Variants in MYO9B observed in about 807,000 individuals in gnomAD.
The protein encoded by MYO9B is unconventional myosin-IXb.
Under a neutral mutation model 229.5 loss-of-function variants are expected in MYO9B, and 71 were observed. The ratio of observed to expected loss-of-function variants is 0.31; its 90% CI spans 0.26 to 0.38. The LOEUF (loss-of-function observed/expected upper bound fraction) is 0.38. Ranked by LOEUF, MYO9B falls within the 10% of genes least tolerant of loss-of-function variation. The probability of loss-of-function intolerance (pLI) is 1.00; values close to 1 mark genes in which losing one functional copy is unlikely to be tolerated. For synonymous variants in MYO9B, 1,185 were observed against 1,235.8 expected (o/e 0.96, Z 0.86); for missense variants, 2,255 against 2,920.5 (o/e 0.77, Z 5.25).
chr19:17,205,420 C>T (rs1388513889), intron 31 of MYO9B, 84 bp downstream of exon 31: 3 of 1,342,820 alleles, frequency 2.2e-6, no homozygotes, highest in East Asian at 4.6e-5. Context: ...GATGTGAGGG[C>T]CAAGCGAAGC....
chr19:17,186,087 C>T, intron 18 of MYO9B, 86 bp downstream of exon 18: 1 of 1,216,736 alleles, frequency 8.2e-7, no homozygotes, highest in Non-Finnish European at 1.2e-6. Flanking sequence ...CCCCAGCCTC[C>T]ACGCAGTATG....
chr19:17,104,089 C>T (rs1381584174), intron 2 of MYO9B, among the ~76,000 whole-genome samples: 1 of 151,164 alleles, frequency 6.6e-6, no homozygotes, highest in Non-Finnish European at 1.5e-5. Flanking sequence ...AGTTAATACA[C>T]ATTTGGCTTC....
At chr19:17,187,683 A>G (rs995555870) in intron 18 of MYO9B, among the ~76,000 whole-genome samples, 1 of 151,614 alleles carries the variant, frequency 6.6e-6, no homozygotes, top group Non-Finnish European at 1.5e-5. Context: ...GCCTCATTCC[A>G]GAAAGAGTGT....
At chr19:17,161,979 C>T (rs1264116200) in intron 8 of MYO9B, among the ~76,000 whole-genome samples, 1 of 137,812 alleles carries the variant, frequency 7.3e-6, no homozygotes, top group African/African-American at 2.7e-5. Context: ...CAGAGTGAGA[C>T]CCTGTGTCAA....
chr19:17,097,438 C>A (rs2057703895), intron 1 of MYO9B, among the ~76,000 whole-genome samples: 3 of 151,968 alleles, frequency 2.0e-5, no homozygotes, highest in Non-Finnish European at 4.4e-5. Context: ...ATCTCATGAC[C>A]TGGAGGAACA....
chr19:17,150,576 A>AATCCCAGCACT (rs1163639148), intron 3 of MYO9B, among the ~76,000 whole-genome samples: 8 of 99,752 alleles, frequency 8.0e-5, no homozygotes, highest in East Asian at 2.0e-4. Flanking sequence ...GTGAGCTCAC[A>AATCCCAGCACT]TGTCTGGTGA....
Position 17,211,368 on chromosome 19 carries a change from C to T in MYO9B, c.5931-279C>T, listed in dbSNP as rs140493227. Reference sequence around the variant, plus strand: ...TTCACTGCAGCCACAATCCCCTAGGCTCACGGGGTCCTCCCACCTCAGCCT... The same window carrying T: ...TTCACTGCAGCCACAATCCCCTAGGTTCACGGGGTCCTCCCACCTCAGCCT... On this transcript the variant is annotated intron_variant, in intron 38 of 39. Transcript: ENST00000682292. 9.8e-5 allele frequency among the ~76,000 whole-genome samples: 15 copies of T among 152,288 alleles called. No individual in the cohort carries two copies. In the East Asian group the frequency reaches 2.5e-3, roughly 26 times the overall value.
intron 20 of MYO9B, among the ~76,000 whole-genome samples, chr19:17,191,788 A>G (rs2072987822): frequency 6.6e-6 from 1 of 151,448 alleles, no homozygotes; most frequent in South Asian, 2.1e-4. Flanking sequence ...CCAGCCTGGG[A>G]AACATAGCGA....
rs547593831 is a variant in MYO9B, at chr19:17,147,856, A to G, written c.935+2365A>G. Among the ~76,000 whole-genome samples, 511 of 151,016 alleles carry G rather than the reference A, an allele frequency of 3.4e-3. 4 individuals are homozygous for G. The highest frequency in any genetic ancestry group is 4.4e-3 in the Non-Finnish European group (295 of 67,778). ...CGCCACCACACCTGGCTAATTTTGT[A>G]TTTTTAGTAGAGATGGGGTTTCTCA... On this transcript the variant is annotated intron_variant, in intron 3 of 39. Coordinates refer to ENST00000682292, the MANE Select transcript of MYO9B (RefSeq NM_004145.4).
At chr19:17,192,588 C>T (rs4808593) in intron 20 of MYO9B, among the ~76,000 whole-genome samples, 158 bp from the exon 21 acceptor site, 81,011 of 151,714 alleles carry the variant, frequency 0.53, 23,572 homozygotes, top group East Asian at 0.76. Context: ...GAGTGAGACT[C>T]CATCTCAAAA....
At chr19:17,136,500 C>G (rs2072271276) in intron 2 of MYO9B, among the ~76,000 whole-genome samples, 1 of 152,128 alleles carries the variant, frequency 6.6e-6, no homozygotes, top group Admixed American at 6.6e-5. Context: ...CCCCGACTAC[C>G]CAGCCCTGCA....
chr19:17,105,511 G>A (rs923805504), intron 2 of MYO9B, among the ~76,000 whole-genome samples: 1 of 151,924 alleles, frequency 6.6e-6, no homozygotes, highest in African/African-American at 2.4e-5. Context: ...AAAGGGGAGA[G>A]GAGATTCCTC....
At chr19:17,092,874 A>G (rs1464728758) in intron 1 of MYO9B, among the ~76,000 whole-genome samples, 3 of 152,162 alleles carry the variant, frequency 2.0e-5, no homozygotes, top group Admixed American at 1.3e-4. Flanking sequence ...TGCTGTGTTT[A>G]TATGAGCATG....
chr19:17,190,093 T>C (rs958642270), intron 19 of MYO9B, among the ~76,000 whole-genome samples: 5 of 150,408 alleles, frequency 3.3e-5, no homozygotes, highest in Non-Finnish European at 5.9e-5. Flanking sequence ...GATTACAGAC[T>C]GTTGACCTGG....
At position 17,152,679 on chromosome 19, in the gene MYO9B, G is replaced by T. The variant is rs745558830; in HGVS notation, c.971G>T (p.Arg324Leu). The change falls in exon 4 of 40, where the codon CGC (arginine) becomes CTC (leucine). Residue 324 changes from arginine to leucine, a missense_variant. Coordinates refer to ENST00000682292, the MANE Select transcript of MYO9B (RefSeq NM_004145.4). ...GAGAAATATCTGCTTGAAAAGTCTC[G>T]CCTGGTGTCTCAGGAGAAGGATGAG... ...VVEKYLLEKS[R>L]LVSQEKDERN... 6.2e-7 allele frequency: 1 copy of T among 1,613,336 alleles called. No individual in the cohort carries two copies. The highest frequency in any genetic ancestry group is 1.1e-5 in the South Asian group (1 of 91,018).
intron 6 of MYO9B, among the ~76,000 whole-genome samples, chr19:17,155,740 C>T (rs115743929): frequency 1.8e-4 from 28 of 151,712 alleles, no homozygotes; most frequent in African/African-American, 5.6e-4. Context: ...ACCTCTGGCC[C>T]GGGCGCAGTG....
At chr19:17,108,309 C>T (rs961427891) in intron 2 of MYO9B, among the ~76,000 whole-genome samples, 5 of 152,190 alleles carry the variant, frequency 3.3e-5, no homozygotes, top group African/African-American at 4.8e-5. Flanking sequence ...TGGCAATAAA[C>T]GTGCTTCCTG....
At chr19:17,122,306 A>AG (rs934112759) in intron 2 of MYO9B, among the ~76,000 whole-genome samples, 3 of 152,122 alleles carry the variant, frequency 2.0e-5, no homozygotes, top group African/African-American at 4.8e-5. Context: ...TGGGAGTAAG[A>AG]GGGGGGCAGA....
chr19:17,164,901 C>T (rs2072642441), intron 10 of MYO9B, among the ~76,000 whole-genome samples: 1 of 152,130 alleles, frequency 6.6e-6, no homozygotes, highest in Non-Finnish European at 1.5e-5. Flanking sequence ...GAAGACTTAG[C>T]ACATGAGAAA....
Sources: allele counts gnomAD v4.1 joint callset (sites outside exome capture counted in the v4.1 genomes callset), GRCh38; gene constraint gnomAD v4.1.1; transcripts MANE v1.5; gene names NCBI Gene and HGNC (gene_info 2026-07-23, HGNC 2026-07-21).